ULBP1: variants seen among roughly 807,000 people sequenced by gnomAD.
The protein encoded by ULBP1 is UL16-binding protein 1.
In ULBP1, 28 loss-of-function variants were observed where a neutral mutation model predicts 25.3. The ratio of observed to expected loss-of-function variants is 1.10; its 90% CI spans 0.82 to 1.51. ULBP1 has a LOEUF of 1.51. Among genes scored for constraint, ULBP1 ranks in the 40% most tolerant of loss-of-function variants. ULBP1 has a pLI of 0.00. For synonymous variants in ULBP1, 129 were observed against 103.0 expected (o/e 1.25, Z -1.53); for missense variants, 348 against 290.9 (o/e 1.20, Z -1.43).
chr6:149,968,568 C>T (rs767780735), intron 1 of ULBP1, 39 bp from the exon 2 acceptor site: 38 of 1,575,372 alleles, frequency 2.4e-5, no homozygotes, highest in Admixed American at 5.3e-5. Context: ...GGTTCCATTT[C>T]CCCCCACACC....
rs1582822005 is a variant in ULBP1, at chr6:149,963,994, T to G, written c.-56T>G. On this transcript the variant is annotated 5_prime_UTR_variant, in exon 1 of 5. Transcript: ENST00000229708. Reference sequence around the variant, plus strand: ...TGGGCAGCTTTATAAACAGCCGTGGTGTGAGCCTCGAAGGGAACCATCAGC... The same window carrying G: ...TGGGCAGCTTTATAAACAGCCGTGGGGTGAGCCTCGAAGGGAACCATCAGC... 6.3e-7 allele frequency: 1 copy of G among 1,576,616 alleles called. No individual in the cohort carries two copies. Among genetic ancestry groups the G allele is most frequent in the African/African-American group, 1.4e-5 (1 of 73,728 alleles).
At position 149,971,412 on chromosome 6, in the gene ULBP1, C is replaced by T. The variant is rs1163207786; in HGVS notation, c.*66C>T. 2 of 985,130 alleles carry T rather than the reference C, an allele frequency of 2.0e-6. No homozygotes were observed. Among genetic ancestry groups the T allele is most frequent in the East Asian group, 1.1e-4 (1 of 8,816 alleles). 61.0% of individuals were successfully genotyped at this position (985,130 alleles called of 1,614,324 possible). A position where few individuals can be genotyped will look rare whatever the true frequency, so the allele number is the denominator to read the frequency against. On this transcript the variant is annotated 3_prime_UTR_variant, in exon 5 of 5. Coordinates refer to ENST00000229708, the MANE Select transcript of ULBP1 (RefSeq NM_025218.4). ...AAGCCTCTGTTAGCCTGGTCTGGGT[C>T]CTGCTCTCCCTTCAGGGAGGCCGCC...
chr6:149,967,322 G>T (rs1172269723), intron 1 of ULBP1, among the ~76,000 whole-genome samples: 8 of 152,208 alleles, frequency 5.3e-5, no homozygotes, highest in Non-Finnish European at 1.0e-4. Flanking sequence ...GCCATTTCAT[G>T]GCATACAGTT....
rs758172280 is a variant in ULBP1 at position 149,969,066 on chromosome 6, T to C, written c.350-19T>C. The C allele has an allele frequency of 6.2e-7, 1 of 1,612,622 alleles. No homozygotes were observed. Among genetic ancestry groups the C allele is most frequent in the African/African-American group, 1.3e-5 (1 of 74,862 alleles). On this transcript the variant is annotated intron_variant, in intron 2 of 4. Coordinates refer to ENST00000229708, the MANE Select transcript of ULBP1 (RefSeq NM_025218.4). ...CAGGCTTTGTCAAGATCAGAGCTGA[T>C]CTCTTTGCAATGGGGCAGAGCCCCT... is the stretch of plus-strand genomic sequence containing the variant.
rs774204318 is a variant in ULBP1 at position 149,968,710 on chromosome 6, C to T, written c.189C>T (p.His63=). ...QGLVDERPFL[H]YDCVNHKAKA... ...TGGTGGATGAAAGGCCTTTTCTTCA[C>T]TATGACTGTGTTAACCACAAGGCCA... The change falls in exon 2 of 5, where the codon CAC becomes CAT. Residue 63 remains histidine, a synonymous_variant. Coordinates refer to ENST00000229708, the MANE Select transcript of ULBP1 (RefSeq NM_025218.4). The T allele has an allele frequency of 1.2e-6, 2 of 1,614,250 alleles. No individual in the cohort carries two copies. The highest frequency in any genetic ancestry group is 1.7e-6 in the Non-Finnish European group (2 of 1,180,048).
At chr6:149,965,992 T>C (rs1421124873) in intron 1 of ULBP1, among the ~76,000 whole-genome samples, 1 of 151,846 alleles carries the variant, frequency 6.6e-6, no homozygotes, top group African/African-American at 2.4e-5. Context: ...AAATCCCATT[T>C]CCCTCACGAT....
chr6:149,964,204 C>A, intron 1 of ULBP1, 70 bp downstream of exon 1: 1 of 1,565,972 alleles, frequency 6.4e-7, no homozygotes, highest in African/African-American at 1.4e-5. Flanking sequence ...CAGCGGGTTT[C>A]AGAGGAGGGG....
At chr6:149,964,696 G>C (rs1269524753) in intron 1 of ULBP1, among the ~76,000 whole-genome samples, 2 of 145,978 alleles carry the variant, frequency 1.4e-5, no homozygotes, top group Non-Finnish European at 3.0e-5. Flanking sequence ...TTTCCGCCGG[G>C]TCTGATTCCT....
rs1467619914 is a variant in ULBP1 at position 149,964,124 on chromosome 6, A to G, written c.75A>G (p.Ala25=). Residue 25 remains alanine, a synonymous_variant, in exon 1 of 5, where the codon GCA becomes GCG. Coordinates refer to ENST00000229708, the MANE Select transcript of ULBP1 (RefSeq NM_025218.4). ...LLHLLSGWSR[A]GWVDTHCLCY... ...ACCTGCTGTCTGGCTGGTCCCGGGC[A>G]GGATGGGTCGGTGAGTTCGGGGATG... 1.9e-6 allele frequency: 3 copies of G among 1,614,214 alleles called. No homozygotes were observed. Among genetic ancestry groups the G allele is most frequent in the Non-Finnish European group, 1.7e-6 (2 of 1,180,016 alleles).
rs201326817 is a variant in ULBP1 at position 149,968,738 on chromosome 6, G to A, written c.217G>A (p.Ala73Thr). 7.4e-6 allele frequency: 12 copies of A among 1,614,256 alleles called. No homozygotes were observed. Among genetic ancestry groups the A allele is most frequent in the South Asian group, 1.1e-5 (1 of 91,090 alleles). Residue 73 changes from alanine (A) to threonine (T), a missense_variant, in exon 2 of 5, where the codon GCC becomes ACC. By Grantham distance (58) the Ala-to-Thr change is moderately conservative. Coordinates refer to ENST00000229708, the MANE Select transcript of ULBP1 (RefSeq NM_025218.4). ...HYDCVNHKAK[A>T]FASLGKKVNV... is the part of the protein sequence containing the mutation. ...TGACTGTGTTAACCACAAGGCCAAAGCCTTTGCTTCTCTGGGGAAGAAAGT... is the reference window on the plus strand; with the variant it reads ...TGACTGTGTTAACCACAAGGCCAAAACCTTTGCTTCTCTGGGGAAGAAAGT...
chr6:149,968,862 T>A lies in ULBP1; in HGVS notation c.341T>A (p.Ile114Lys). 1 of 1,613,556 alleles carries A rather than the reference T, an allele frequency of 6.2e-7. No homozygotes were observed. The highest frequency in any genetic ancestry group is 1.3e-5 in the African/African-American group (1 of 74,972). Residue 114 changes from isoleucine (I) to lysine (K), a missense_variant, in exon 2 of 5, where the codon ATA (isoleucine) becomes AAA (lysine). Coordinates refer to ENST00000229708, the MANE Select transcript of ULBP1 (RefSeq NM_025218.4). ...QLLDIQVENL[I>K]PIEPLTLQAR... ...CTTGACATTCAAGTGGAGAATTTAA[T>A]ACCCATTGGTAAGTTTAAAATGGCC...
chr6:149,969,397 T>A (rs1305009395), intron 3 of ULBP1, 37 bp downstream of exon 3: 1 of 1,600,938 alleles, frequency 6.2e-7, no homozygotes, highest in African/African-American at 1.3e-5. Flanking sequence ...CTGTCTCGAG[T>A]TCAGATCTTA....
Position 149,964,069 on chromosome 6 carries a change from C to G in ULBP1, c.20C>G (p.Pro7Arg), listed in dbSNP as rs140736632. MAAAAS[P>R]AFLLCLPLLH... ...TCTACAATGGCAGCGGCCGCCAGCC[C>G]CGCGTTCCTTCTGTGCCTCCCGCTT... is the stretch of plus-strand genomic sequence containing the variant. Residue 7 changes from proline to arginine, a missense_variant, in exon 1 of 5, where the codon CCC (proline) becomes CGC (arginine). Physicochemically the swap from Pro to Arg is moderately radical, Grantham distance 103. Transcript: ENST00000229708. 972 of 1,614,222 alleles carry G rather than the reference C, an allele frequency of 6.0e-4. No individual in the cohort carries two copies. The highest frequency in any genetic ancestry group is 1.1e-3 in the Admixed American group (67 of 60,030).
In ULBP1 at chr6:149,969,361, G is replaced by A. The variant is rs763151897; in HGVS notation, c.625+1G>A. The A allele has an allele frequency of 5.6e-6, 9 of 1,611,800 alleles. No homozygotes were observed. The highest frequency in any genetic ancestry group is 2.2e-5 in the East Asian group (1 of 44,850). On this transcript the variant is annotated splice_donor_variant, in intron 3 of 4. Transcript: ENST00000229708. LOFTEE classifies it high-confidence loss of function. The stretch of plus-strand genomic sequence containing the variant: ...TGGGAACAAATGCTGGATCCAACAA[G>A]TAAGTGAGAGGGGGATAAATGGAAG...
intron 4 of ULBP1, among the ~76,000 whole-genome samples, chr6:149,971,167 G>A (rs1463337396): frequency 2.0e-5 from 3 of 152,190 alleles, no homozygotes; most frequent in Non-Finnish European, 4.4e-5. Context: ...GGCTGTAACA[G>A]GACCTGGGCT....
intron 4 of ULBP1, 74 bp from the exon 5 acceptor site, chr6:149,971,295 T>G: frequency 1.0e-6 from 1 of 968,884 alleles, no homozygotes; most frequent in East Asian, 1.2e-4. Flanking sequence ...GGGGAGGGCC[T>G]GGGAAGGATC....
chr6:149,963,986 A>T lies in ULBP1; in HGVS notation c.-64A>T. On this transcript the variant is annotated 5_prime_UTR_variant, in exon 1 of 5. Coordinates refer to ENST00000229708, the MANE Select transcript of ULBP1 (RefSeq NM_025218.4). Reference sequence around the variant, plus strand: ...GGCCGGGCTGGGCAGCTTTATAAACAGCCGTGGTGTGAGCCTCGAAGGGAA... The same window carrying T: ...GGCCGGGCTGGGCAGCTTTATAAACTGCCGTGGTGTGAGCCTCGAAGGGAA... 1.3e-6 allele frequency: 2 copies of T among 1,556,482 alleles called. No individual in the cohort carries two copies. The highest frequency in any genetic ancestry group is 1.8e-6 in the Non-Finnish European group (2 of 1,132,972).
In ULBP1 at chr6:149,970,259, G is replaced by A. The variant is rs568216782; in HGVS notation, c.*22+112G>A. On this transcript the variant is annotated intron_variant, in intron 4 of 4. Transcript: ENST00000229708. ...CCGGGAACTTCTCATCCTGACATTA[G>A]ACAGATGAATGAGACCTGCTGTCAC... 2,539 of 1,409,820 alleles carry A rather than the reference G, an allele frequency of 1.8e-3. 8 individuals are homozygous for A. The highest frequency in any genetic ancestry group is 2.1e-3 in the Non-Finnish European group (2,189 of 1,053,674). The allele number at this position is 1,409,820 out of a possible 1,614,324, so 87.3% of individuals were successfully genotyped here. A position where few individuals can be genotyped will look rare whatever the true frequency, so the allele number is the denominator to read the frequency against.
At position 149,964,089 on chromosome 6, in the gene ULBP1, C is replaced by G; in HGVS notation, c.40C>G (p.Pro14Ala). Reference sequence around the variant, plus strand: ...CAGCCCCGCGTTCCTTCTGTGCCTCCCGCTTCTGCACCTGCTGTCTGGCTG... The same window carrying G: ...CAGCCCCGCGTTCCTTCTGTGCCTCGCGCTTCTGCACCTGCTGTCTGGCTG... ...AASPAFLLCLPLLHLLSGWSR... is the reference protein window; with the variant it reads ...AASPAFLLCLALLHLLSGWSR... The change falls in exon 1 of 5, where the codon CCG becomes GCG. Residue 14 changes from proline to alanine, a missense_variant. Pro to Ala is a conservative substitution (Grantham distance 27, BLOSUM62 -1). Transcript: ENST00000229708. 4 of 1,614,230 alleles carry G rather than the reference C, an allele frequency of 2.5e-6. No homozygotes were observed. The highest frequency in any genetic ancestry group is 3.4e-6 in the Non-Finnish European group (4 of 1,180,044).
Sources: allele counts gnomAD v4.1 joint callset (sites outside exome capture counted in the v4.1 genomes callset), GRCh38; gene constraint gnomAD v4.1.1; transcripts MANE v1.5; gene names NCBI Gene and HGNC (gene_info 2026-07-23, HGNC 2026-07-21).